ZNF654: variants seen among roughly 807,000 people sequenced by gnomAD.
ZNF654 encodes the protein zinc finger protein 654.
In ZNF654, 19 loss-of-function variants were observed where a neutral mutation model predicts 95.3. The observed-to-expected ratio is 0.20, with a 90% CI of 0.14 to 0.29. ZNF654 has a LOEUF of 0.29. Ranked by LOEUF, ZNF654 falls within the 10% of genes least tolerant of loss-of-function variation. ZNF654 has a pLI of 1.00. For missense variants in ZNF654, 1,046 were observed against 1,341.0 expected (o/e 0.78, Z 3.44); for synonymous variants, 413 against 457.9 (o/e 0.90, Z 1.25).
chr3:88,100,289 G>C (rs1182015092), intron 2 of ZNF654, among the ~76,000 whole-genome samples: 1 of 152,142 alleles, frequency 6.6e-6, no homozygotes, highest in Non-Finnish European at 1.5e-5. Context: ...TCTCACACCA[G>C]TTAGAATGAC....
chr3:88,092,711 A>G (rs1703819083), intron 2 of ZNF654, among the ~76,000 whole-genome samples: 1 of 152,156 alleles, frequency 6.6e-6, no homozygotes, highest in Non-Finnish European at 1.5e-5. Context: ...ATTTAAGGAG[A>G]TTATGTCTTT....
At position 88,138,813 on chromosome 3, in the gene ZNF654, C is replaced by G; in HGVS notation, c.1144C>G (p.His382Asp). 1 of 1,232,032 alleles carries G rather than the reference C, an allele frequency of 8.1e-7. No individual in the cohort carries two copies. The highest frequency in any genetic ancestry group is 1.0e-6 in the Non-Finnish European group (1 of 987,896). 76.3% of individuals were successfully genotyped at this position (1,232,032 alleles called of 1,614,324 possible). Reference sequence around the variant, plus strand: ...ATGTCTAATTTATAAAACAATTGCACATTTTTTGCCAAATGATTTGGAGAT... The same window carrying G: ...ATGTCTAATTTATAAAACAATTGCAGATTTTTTGCCAAATGATTTGGAGAT... ...TKCLIYKTIAHFLPNDLEILR... is the reference protein window; with the variant it reads ...TKCLIYKTIADFLPNDLEILR... Residue 382 changes from histidine (H) to aspartate (D), a missense_variant, in exon 8 of 9, where the codon CAT (histidine) becomes GAT (aspartate). Around this residue, in one of 9 missense-constraint regions of ZNF654, gnomAD observed 78 missense variants for 154.2 expected, o/e 0.51. Coordinates refer to ENST00000636215, the MANE Select transcript of ZNF654 (RefSeq NM_001350134.2).
intron 6 of ZNF654, among the ~76,000 whole-genome samples, chr3:88,134,085 T>G (rs1238082143): frequency 6.6e-6 from 1 of 151,268 alleles, no homozygotes; most frequent in Admixed American, 6.6e-5. Flanking sequence ...CTTGTGAGAG[T>G]TCTAAAAGAG....
chr3:88,130,915 A>G lies in ZNF654; in HGVS notation c.893+1089A>G, dbSNP rs375930010. 3.3e-5 allele frequency among the ~76,000 whole-genome samples: 5 copies of G among 152,138 alleles called. No individual in the cohort carries two copies. The East Asian group carries it at 9.6e-4, about 29-fold the overall frequency. On this transcript the variant is annotated intron_variant, in intron 6 of 8. Transcript: ENST00000636215. Reference sequence around the variant, plus strand: ...GCTAATTTTTATTTAAAATTATACCATGTAAATTGGAATTTCAAATAGAGA... The same window carrying G: ...GCTAATTTTTATTTAAAATTATACCGTGTAAATTGGAATTTCAAATAGAGA...
chr3:88,140,660 T>G lies in ZNF654; in HGVS notation c.2991T>G (p.Ile997Met), dbSNP rs1707067203. 6.2e-7 allele frequency: 1 copy of G among 1,613,566 alleles called. No individual in the cohort carries two copies. The highest frequency in any genetic ancestry group is 1.3e-5 in the African/African-American group (1 of 74,868). Residue 997 changes from isoleucine (I) to methionine (M), a missense_variant, in exon 8 of 9, where the codon ATT (isoleucine) becomes ATG (methionine). Ile to Met is a conservative substitution (Grantham distance 10). Around this residue, in one of 9 missense-constraint regions of ZNF654, gnomAD observed 495 missense variants for 537.0 expected, o/e 0.92. Coordinates refer to ENST00000636215, the MANE Select transcript of ZNF654 (RefSeq NM_001350134.2). ...PLVSSDPALK[I>M]DTNRIRTENG... The stretch of plus-strand genomic sequence containing the variant: ...TTTCATCAGATCCTGCTTTGAAAAT[T>G]GATACAAACAGAATCAGGACAGAAA...
chr3:88,136,985 A>G lies in ZNF654; in HGVS notation c.1036-1720A>G, dbSNP rs555835157. Among the ~76,000 whole-genome samples, 36 of 152,230 alleles carry G rather than the reference A, an allele frequency of 2.4e-4. No homozygotes were observed. The South Asian group carries it at 7.5e-3, about 32-fold the overall frequency. On this transcript the variant is annotated intron_variant, in intron 7 of 8. Coordinates refer to ENST00000636215, the MANE Select transcript of ZNF654 (RefSeq NM_001350134.2). The stretch of plus-strand genomic sequence containing the variant: ...CGAGGTGGGCAGATCACTTGAGGCC[A>G]GAAGTTCAAGACCAGTCTGGCCAAC...
At chr3:88,093,990 T>C in intron 2 of ZNF654, among the ~76,000 whole-genome samples, 1 of 152,308 alleles carries the variant, frequency 6.6e-6, no homozygotes. Flanking sequence ...TAACCAATTT[T>C]GTATCTATTG....
intron 1 of ZNF654, among the ~76,000 whole-genome samples, chr3:88,080,822 G>A (rs1708039029): frequency 6.6e-6 from 1 of 152,180 alleles, no homozygotes; most frequent in Admixed American, 6.5e-5. Context: ...AGACAGATTT[G>A]TTTTTAAATT....
intron 7 of ZNF654, among the ~76,000 whole-genome samples, chr3:88,135,883 G>T (rs1706751171): frequency 6.6e-6 from 1 of 151,698 alleles, no homozygotes; most frequent in Admixed American, 6.6e-5. Context: ...TCTCTATGTT[G>T]GTTACTTTTA....
Position 88,126,250 on chromosome 3 carries a change from G to A in ZNF654, c.531G>A (p.Gln177=). 6.6e-7 allele frequency: 1 copy of A among 1,519,682 alleles called. No homozygotes were observed. 94.1% of individuals were successfully genotyped at this position (1,519,682 alleles called of 1,614,324 possible). ...DPVLQAVLKA[Q]PASQEIVNKY... is the part of the protein sequence containing the mutation. ...TGTTGCAAGCTGTCCTTAAAGCTCAGCCAGCATCTCAGGAGATAGGTACTT... is the reference window on the plus strand; with the variant it reads ...TGTTGCAAGCTGTCCTTAAAGCTCAACCAGCATCTCAGGAGATAGGTACTT... Residue 177 remains glutamine (Q), a synonymous_variant, in exon 4 of 9, where the codon CAG becomes CAA. Transcript: ENST00000636215.
chr3:88,088,260 T>C (rs1182259038), intron 2 of ZNF654, among the ~76,000 whole-genome samples: 1 of 152,204 alleles, frequency 6.6e-6, no homozygotes, highest in African/African-American at 2.4e-5. Flanking sequence ...TATTTACATA[T>C]GGCCTGGTTT....
rs536627062 is a variant in ZNF654, at chr3:88,129,933, TA to T, written c.893+116del. 1,128 of 1,027,596 alleles carry T rather than the reference TA, an allele frequency of 1.1e-3. 4 individuals are homozygous for T. The South Asian group carries it at 0.014, about 12-fold the overall frequency. The allele number at this position is 1,027,596 out of a possible 1,614,324, so 63.7% of individuals were successfully genotyped here. On this transcript the variant is annotated intron_variant, in intron 6 of 8. Coordinates refer to ENST00000636215, the MANE Select transcript of ZNF654 (RefSeq NM_001350134.2). ...TTGTATGAAAATGTCAAGCTACTTT[TA>T]AAAAAAAATTGATTGTGCAAGGAAC...
intron 2 of ZNF654, among the ~76,000 whole-genome samples, chr3:88,091,600 GT>G (rs1200743928): frequency 6.6e-6 from 1 of 152,078 alleles, no homozygotes; most frequent in African/African-American, 2.4e-5. Context: ...GTTTCACTGT[GT>G]CCCCACCCAA....
At chr3:88,136,901 A>G (rs1200737643) in intron 7 of ZNF654, among the ~76,000 whole-genome samples, 1 of 152,228 alleles carries the variant, frequency 6.6e-6, no homozygotes, top group Non-Finnish European at 1.5e-5. Context: ...ATGAGCCAAG[A>G]TAGAGGATGT....
rs1389187228 is a variant in ZNF654, at chr3:88,059,573, C to T, written c.186+68C>T. The T allele has an allele frequency of 5.3e-5, 77 of 1,442,910 alleles. 4 individuals are homozygous for T. In the South Asian group the frequency reaches 1.1e-3, roughly 21 times the overall value. 89.4% of individuals were successfully genotyped at this position (1,442,910 alleles called of 1,614,324 possible). Reference sequence around the variant, plus strand: ...GGGCCTCTCTGCGTCTCCTGGTCTTCTCGTCCATGAATCTGGTCTATGTCC... The same window carrying T: ...GGGCCTCTCTGCGTCTCCTGGTCTTTTCGTCCATGAATCTGGTCTATGTCC... On this transcript the variant is annotated intron_variant, in intron 1 of 8. Coordinates refer to ENST00000636215, the MANE Select transcript of ZNF654 (RefSeq NM_001350134.2).
rs1269018583 is a variant in ZNF654, at chr3:88,139,397, A to G, written c.1728A>G (p.Ile576Met). 3 of 1,613,710 alleles carry G rather than the reference A, an allele frequency of 1.9e-6. No individual in the cohort carries two copies. Among genetic ancestry groups the G allele is most frequent in the African/African-American group, 2.7e-5 (2 of 74,928 alleles). ...AAAAAGGCAGTTTTGCATGTGTAATATGTGGTAGGAAATTTAGAAACAGAG... is the reference window on the plus strand; with the variant it reads ...AAAAAGGCAGTTTTGCATGTGTAATGTGTGGTAGGAAATTTAGAAACAGAG... ...HQKKGSFACV[I>M]CGRKFRNRGL... The change falls in exon 8 of 9, where the codon ATA becomes ATG. Residue 576 changes from isoleucine to methionine, a missense_variant. Ile to Met is a conservative substitution (Grantham distance 10, BLOSUM62 1). Coordinates refer to ENST00000636215, the MANE Select transcript of ZNF654 (RefSeq NM_001350134.2).
At chr3:88,095,530 G>T in intron 2 of ZNF654, 2 of 491,862 alleles carry the variant, frequency 4.1e-6, no homozygotes, top group East Asian at 5.9e-5. Flanking sequence ...TCTTTTGCAA[G>T]AACCAGGTCT....
intron 2 of ZNF654, among the ~76,000 whole-genome samples, chr3:88,087,479 T>C (rs1708396603): frequency 6.6e-6 from 1 of 152,010 alleles, no homozygotes; most frequent in African/African-American, 2.4e-5. Flanking sequence ...CCCACTAAAA[T>C]TATAGTAAAG....
intron 3 of ZNF654, among the ~76,000 whole-genome samples, chr3:88,113,522 C>A (rs1437479642): frequency 6.6e-6 from 1 of 152,106 alleles, no homozygotes; most frequent in Non-Finnish European, 1.5e-5. Context: ...CTATCCCATG[C>A]CACTTTTTCC....
Sources: gnomAD v4.1 joint callset for allele counts (sites outside exome capture counted in the v4.1 genomes callset) on GRCh38, gnomAD v4.1.1 for gene constraint, gnomAD v4.1.1 regional missense constraint, MANE v1.5 for transcripts, NCBI Gene and HGNC (gene_info 2026-07-23, HGNC 2026-07-21) for gene names.